CTNNA3: variants seen among roughly 807,000 people sequenced by gnomAD.
CTNNA3 encodes the protein catenin alpha-3.
Under a neutral mutation model 95.7 loss-of-function variants are expected in CTNNA3, and 76 were observed. That is an observed-to-expected ratio of 0.79 (90% CI 0.66 to 0.96). The LOEUF (loss-of-function observed/expected upper bound fraction) is 0.96, where lower values mean the gene tolerates loss of function less well. CTNNA3 is among the 40% of genes least tolerant of loss of function. The pLI, the probability that CTNNA3 is intolerant of heterozygous loss-of-function variation, is 0.00. For synonymous variants in CTNNA3, 431 were observed against 374.4 expected, an observed-to-expected ratio of 1.15 and a Z score of -1.74; for missense variants, 1,191 against 1,089.8, an observed-to-expected ratio of 1.09 and a Z score of -1.31.
intron 12 of CTNNA3, among the ~76,000 whole-genome samples, chr10:66,302,039 A>C (rs779769015): frequency 1.5e-4 from 23 of 152,082 alleles, no homozygotes; most frequent in Non-Finnish European, 2.8e-4. Context: ...TGAAAAACTA[A>C]AATTTGAAAT....
intron 7 of CTNNA3, among the ~76,000 whole-genome samples, chr10:66,814,972 C>T (rs868555402): frequency 3.3e-5 from 5 of 151,350 alleles, no homozygotes; most frequent in African/African-American, 1.2e-4. Context: ...TTGCCTCAGC[C>T]TCCCGAGGAG....
intron 13 of CTNNA3, among the ~76,000 whole-genome samples, chr10:66,176,314 T>C (rs1171734413): frequency 6.6e-6 from 1 of 152,166 alleles, no homozygotes; most frequent in African/African-American, 2.4e-5. Context: ...AACCATCATT[T>C]AGACACGCAA....
chr10:66,114,878 CA>C (rs531726216), intron 13 of CTNNA3, among the ~76,000 whole-genome samples: 67 of 130,528 alleles, frequency 5.1e-4, no homozygotes, highest in South Asian at 4.9e-4. Flanking sequence ...GGCTCCATCT[CA>C]AAAAAAAAAA....
chr10:67,605,764 T>C (rs547345665), intron 3 of CTNNA3, among the ~76,000 whole-genome samples: 195 of 151,692 alleles, frequency 1.3e-3, no homozygotes, highest in African/African-American at 4.6e-3. Context: ...CTGCAACCTC[T>C]GCCTCCCAGG....
intron 7 of CTNNA3, among the ~76,000 whole-genome samples, chr10:66,982,618 T>G (rs187029753): frequency 6.6e-6 from 1 of 152,032 alleles, no homozygotes; most frequent in Non-Finnish European, 1.5e-5. Context: ...CAAAGACAAT[T>G]GAAATAGAAA....
At chr10:67,506,437 C>T (rs572360632) in intron 5 of CTNNA3, among the ~76,000 whole-genome samples, 8 of 152,178 alleles carry the variant, frequency 5.3e-5, no homozygotes, top group Admixed American at 1.3e-4. Flanking sequence ...AAAATAAGTA[C>T]GCCTTAAAAA....
At chr10:67,689,878 C>G (rs553974755) in intron 1 of CTNNA3, among the ~76,000 whole-genome samples, 1 of 152,078 alleles carries the variant, frequency 6.6e-6, no homozygotes, top group Admixed American at 6.5e-5. Flanking sequence ...CCCCAGAATT[C>G]TAAGGAAAAA....
intron 10 of CTNNA3, among the ~76,000 whole-genome samples, chr10:66,576,956 A>G (rs1204361428): frequency 8.7e-6 from 1 of 114,372 alleles, no homozygotes; most frequent in Non-Finnish European, 2.2e-5. Flanking sequence ...CCAGCAGTGT[A>G]TAAGCGTTCC....
At chr10:67,692,297 A>AG (rs1162704328) in intron 1 of CTNNA3, among the ~76,000 whole-genome samples, 6 of 148,456 alleles carry the variant, frequency 4.0e-5, no homozygotes, top group Middle Eastern at 3.5e-3. Context: ...TGGAATAGAA[A>AG]GGGGGGAAAG....
At chr10:66,664,889 TAAAAA>T (rs56801434) in intron 9 of CTNNA3, among the ~76,000 whole-genome samples, 47,836 of 134,420 alleles carry the variant, frequency 0.36, 8,271 homozygotes, top group African/African-American at 0.47. Flanking sequence ...CTGAAAAAAT[TAAAAA>T]AAAAAAAAAA....
At chr10:66,659,181 AACAC>A (rs10565151) in intron 9 of CTNNA3, among the ~76,000 whole-genome samples, 2,901 of 145,548 alleles carry the variant, frequency 0.02, 58 homozygotes, top group African/African-American at 0.049. Context: ...TAATTAAGAA[AACAC>A]ACACACACAC....
intron 14 of CTNNA3, among the ~76,000 whole-genome samples, chr10:66,082,342 A>G (rs2080797869): frequency 6.6e-6 from 1 of 152,084 alleles, no homozygotes; most frequent in Non-Finnish European, 1.5e-5. Flanking sequence ...AAAATGCATA[A>G]CCTTAAAATA....
intron 13 of CTNNA3, among the ~76,000 whole-genome samples, chr10:66,201,929 C>T (rs2087449127): frequency 6.6e-6 from 1 of 151,520 alleles, no homozygotes; most frequent in Admixed American, 6.6e-5. Context: ...GCTGGGATTA[C>T]AGGTGCCTGG....
At chr10:66,799,066 G>A (rs559092206) in intron 7 of CTNNA3, among the ~76,000 whole-genome samples, 1 of 151,602 alleles carries the variant, frequency 6.6e-6, no homozygotes, top group South Asian at 2.1e-4. Context: ...TTACAAATGG[G>A]ACCTAACCCA....
chr10:65,972,335 A>G (rs1274220872), intron 16 of CTNNA3, among the ~76,000 whole-genome samples: 2 of 152,110 alleles, frequency 1.3e-5, no homozygotes, highest in Admixed American at 6.6e-5. Flanking sequence ...AGTCCCAGCC[A>G]CAGCAATCAG....
chr10:67,015,181 T>C (rs895365343), intron 7 of CTNNA3: 2 of 152,186 alleles, frequency 1.3e-5, no homozygotes, highest in African/African-American at 4.8e-5. Flanking sequence ...TGTCACATAT[T>C]AATCATTTTC....
intron 3 of CTNNA3, among the ~76,000 whole-genome samples, chr10:67,588,681 A>G (rs941918088): frequency 6.6e-6 from 1 of 152,004 alleles, no homozygotes; most frequent in African/African-American, 2.4e-5. Flanking sequence ...CAAAAAGTTG[A>G]GCCTTAATCT....
chr10:66,926,812 T>C, intron 7 of CTNNA3: 1 of 1,020,454 alleles, frequency 9.8e-7, no homozygotes, highest in Non-Finnish European at 1.4e-6. Flanking sequence ...ATGTTAAGTG[T>C]TATTTAGATT....
At chr10:67,433,934 G>C (rs1435334354) in intron 5 of CTNNA3, among the ~76,000 whole-genome samples, 1 of 151,996 alleles carries the variant, frequency 6.6e-6, no homozygotes, top group Non-Finnish European at 1.5e-5. Context: ...AGTCAGAACT[G>C]CCTGGATTTC....
Sources: allele counts gnomAD v4.1 joint callset (sites outside exome capture counted in the v4.1 genomes callset), GRCh38; gene constraint gnomAD v4.1.1; transcripts MANE v1.5; gene names NCBI Gene and HGNC (gene_info 2026-07-23, HGNC 2026-07-21).